Variants in UPRT observed in about 807,000 individuals in gnomAD.
The protein encoded by UPRT is uracil phosphoribosyltransferase homolog.
A neutral mutation model predicts 22.6 loss-of-function variants in UPRT; 5 were observed. The observed-to-expected ratio is 0.22, with a 90% CI of 0.12 to 0.47. UPRT has a LOEUF of 0.47. UPRT is among the 20% of genes least tolerant of loss of function. The pLI is 0.99. For synonymous variants in UPRT, 77 were observed against 87.7 expected, an observed-to-expected ratio of 0.88 and a Z score of 0.68; for missense variants, 181 against 239.9, an observed-to-expected ratio of 0.75 and a Z score of 1.62.
At chrX:75,300,432 G>T (rs2082740053) in intron 5 of UPRT, among the ~76,000 whole-genome samples, 1 of 111,770 alleles carries the variant, frequency 8.9e-6, no homozygotes, top group South Asian at 3.8e-4. Flanking sequence ...CATTAATAAA[G>T]AACAAGTACC....
chrX:75,180,803 C>T (rs1283997201), intron 4 of UPRT, among the ~76,000 whole-genome samples: 2 of 96,769 alleles, frequency 2.1e-5, no homozygotes, highest in East Asian at 7.5e-4. Flanking sequence ...TTTTACCATA[C>T]TATACGTTGT....
At chrX:75,161,952 C>A (rs977056238) in intron 2 of UPRT, among the ~76,000 whole-genome samples, 2 of 111,392 alleles carry the variant, frequency 1.8e-5, no homozygotes, top group African/African-American at 6.5e-5. Context: ...CAAAAATAAT[C>A]TTGTGGGAAT....
intron 4 of UPRT, among the ~76,000 whole-genome samples, chrX:75,253,297 T>G (rs891921883): frequency 1.8e-5 from 2 of 111,814 alleles, no homozygotes; most frequent in Admixed American, 1.9e-4. Flanking sequence ...CAACCTAAAA[T>G]TATATGAAAA....
At position 75,274,569 on chromosome X, in the gene UPRT, G is replaced by T. The variant is rs753586506; in HGVS notation, c.315G>T (p.Gln105His). The change falls in exon 1 of 7, where the codon CAG becomes CAT. Residue 105 changes from glutamine to histidine, a missense_variant. By Grantham distance (24) the Gln-to-His change is conservative (BLOSUM62 0). Coordinates refer to ENST00000373383, the MANE Select transcript of UPRT (RefSeq NM_145052.4). ...SFLEDCELSR[Q>H]IGAQLKLLPM... is the part of the protein sequence containing the mutation. Reference sequence around the variant, plus strand: ...TAGAGGACTGCGAACTCTCCCGGCAGATCGGGGCGCAGCTTAAGCTGCTGC... The same window carrying T: ...TAGAGGACTGCGAACTCTCCCGGCATATCGGGGCGCAGCTTAAGCTGCTGC... The T allele has an allele frequency of 1.2e-5, 15 of 1,210,861 alleles. No homozygotes were observed. Among genetic ancestry groups the T allele is most frequent in the Non-Finnish European group, 1.6e-5 (14 of 895,071 alleles).
At chrX:75,187,243 G>C (rs991195909) in intron 4 of UPRT, among the ~76,000 whole-genome samples, 19 of 110,972 alleles carry the variant, frequency 1.7e-4, no homozygotes, top group Non-Finnish European at 3.6e-4. Flanking sequence ...CTCAGCATTT[G>C]CTTGTCTGTA....
At chrX:75,282,759 C>T (rs934957797) in intron 1 of UPRT, among the ~76,000 whole-genome samples, 4 of 111,285 alleles carry the variant, frequency 3.6e-5, no homozygotes, top group African/African-American at 9.8e-5. Context: ...AGTTGTTGGA[C>T]GAAATGTTCT....
intron 6 of UPRT, among the ~76,000 whole-genome samples, chrX:75,302,187 T>C (rs954737876): frequency 9.0e-6 from 1 of 111,484 alleles, no homozygotes; most frequent in Non-Finnish European, 1.9e-5. Context: ...TTGATTACTT[T>C]GCTGTTTCAT....
intron 3 of UPRT, among the ~76,000 whole-genome samples, chrX:75,166,441 G>A (rs186706919): frequency 9.0e-6 from 1 of 111,548 alleles, no homozygotes; most frequent in Admixed American, 9.6e-5. Flanking sequence ...GACAAACTAC[G>A]ACAGCCTCCT....
At chrX:75,246,785 G>T (rs187802962) in intron 4 of UPRT, among the ~76,000 whole-genome samples, 2 of 111,572 alleles carry the variant, frequency 1.8e-5, no homozygotes, top group East Asian at 5.7e-4. Context: ...ACTTTTTAAT[G>T]ATCGGCATTC....
chrX:75,187,959 T>G (rs1161636376), intron 4 of UPRT, among the ~76,000 whole-genome samples: 2 of 111,931 alleles, frequency 1.8e-5, no homozygotes, highest in African/African-American at 3.3e-5. Context: ...TTCTTTGCCT[T>G]TGGCTTGAAT....
intron 1 of UPRT, among the ~76,000 whole-genome samples, chrX:75,281,893 C>A (rs146056630): frequency 1.1e-3 from 119 of 111,040 alleles, no homozygotes; most frequent in Non-Finnish European, 1.9e-3. Context: ...CTATCTGATC[C>A]TGGACTTTTT....
At chrX:75,262,728 A>C (rs2082573037) in intron 4 of UPRT, among the ~76,000 whole-genome samples, 1 of 112,222 alleles carries the variant, frequency 8.9e-6, no homozygotes, top group African/African-American at 3.2e-5. Context: ...ATAATGGTAA[A>C]GGAATCAAGG....
At chrX:75,239,147 A>G (rs907081127) in intron 4 of UPRT, among the ~76,000 whole-genome samples, 1 of 111,700 alleles carries the variant, frequency 9.0e-6, no homozygotes, top group Non-Finnish European at 1.9e-5. Context: ...AGAAAAAAAT[A>G]CAAAAGATAA....
At chrX:75,272,273 T>G (rs1411815070), upstream of UPRT, among the ~76,000 whole-genome samples, 4 of 85,561 alleles carry the variant, frequency 4.7e-5, no homozygotes, top group African/African-American at 1.6e-4. Flanking sequence ...AGCTGTGAGA[T>G]ATATATATAT....
chrX:75,193,235 G>T (rs6647659), intron 4 of UPRT, among the ~76,000 whole-genome samples: 6 of 110,780 alleles, frequency 5.4e-5, no homozygotes, highest in East Asian at 5.8e-4. Context: ...GCTTAGTTTG[G>T]CCAGATATGA....
chrX:75,233,623 G>A (rs1283059417), intron 4 of UPRT, among the ~76,000 whole-genome samples: 4 of 111,020 alleles, frequency 3.6e-5, no homozygotes, highest in African/African-American at 9.8e-5. Context: ...GAGAGTGGGG[G>A]CCAATATTCA....
At chrX:75,174,399 C>T (rs1389244437) in intron 4 of UPRT, among the ~76,000 whole-genome samples, 5 of 111,217 alleles carry the variant, frequency 4.5e-5, no homozygotes, top group African/African-American at 1.6e-4. Context: ...TTGATGGCCT[C>T]GATTCTAGAG....
At chrX:75,173,966 C>T (rs1042850147) in intron 4 of UPRT, among the ~76,000 whole-genome samples, 4 of 110,982 alleles carry the variant, frequency 3.6e-5, no homozygotes, top group East Asian at 2.9e-4. Flanking sequence ...CCCCGGTTCC[C>T]GCTCCCGCCT....
chrX:75,187,684 T>A (rs1207284773), intron 4 of UPRT, among the ~76,000 whole-genome samples: 1 of 112,187 alleles, frequency 8.9e-6, no homozygotes, highest in Non-Finnish European at 1.9e-5. Context: ...TTTGGTCTTT[T>A]CACATAGTCC....
Sources: allele counts gnomAD v4.1 joint callset (sites outside exome capture counted in the v4.1 genomes callset), GRCh38; gene constraint gnomAD v4.1.1; transcripts MANE v1.5; gene names NCBI Gene and HGNC (gene_info 2026-07-23, HGNC 2026-07-21).